The following TRIP4 variants were observed in gnomAD, a reference collection of about 807,000 sequenced individuals.
TRIP4 encodes activating signal cointegrator 1.
In TRIP4, 54 loss-of-function variants were observed where a neutral mutation model predicts 81.8. That is an observed-to-expected ratio of 0.66 (90% confidence interval 0.53 to 0.83). TRIP4 has a LOEUF of 0.83. TRIP4 is among the 40% of genes least tolerant of loss of function. The pLI, the probability that TRIP4 is intolerant of heterozygous loss-of-function variation, is 0.00. For missense variants in TRIP4, 662 were observed against 683.6 expected, an observed-to-expected ratio of 0.97 and a Z score of 0.35; for synonymous variants, 270 against 242.8, an observed-to-expected ratio of 1.11 and a Z score of -1.04.
At chr15:64,402,083 G>T (rs1312581218) in intron 5 of TRIP4, among the ~76,000 whole-genome samples, 2 of 152,068 alleles carry the variant, frequency 1.3e-5, no homozygotes, top group Non-Finnish European at 2.9e-5. Context: ...TCTTAGTTTT[G>T]ATAATTGTAC....
intron 11 of TRIP4, among the ~76,000 whole-genome samples, chr15:64,433,626 TATGTA>T (rs1892325203): frequency 6.6e-6 from 1 of 152,062 alleles, no homozygotes; most frequent in African/African-American, 2.4e-5. Context: ...AAAAATAACT[TATGTA>T]ATGTCAGTTA....
Position 64,450,725 on chromosome 15 carries a change from T to C in TRIP4, c.1679-4272T>C, listed in dbSNP as rs1234367215. On this transcript the variant is annotated intron_variant, in intron 12 of 12. Transcript: ENST00000261884. ...GGAATATCCTGGAAATCCTTGTTCCTCTTGTATCTTGTTTCTCCTATTAGC... is the reference window on the plus strand; with the variant it reads ...GGAATATCCTGGAAATCCTTGTTCCCCTTGTATCTTGTTTCTCCTATTAGC... The C allele has an allele frequency of 1.1e-5, 5 of 456,064 alleles. No individual in the cohort carries two copies. The East Asian group carries it at 3.5e-4, about 32-fold the overall frequency. 28.3% of individuals were successfully genotyped at this position (456,064 alleles called of 1,614,324 possible).
At chr15:64,429,086 G>A (rs1444342848) in intron 11 of TRIP4, among the ~76,000 whole-genome samples, 9 of 151,816 alleles carry the variant, frequency 5.9e-5, no homozygotes, top group South Asian at 2.1e-4. Flanking sequence ...AGGCCGAGGC[G>A]GGTGGATCAC....
intron 7 of TRIP4, among the ~76,000 whole-genome samples, chr15:64,411,539 A>G (rs1466003387): frequency 2.6e-5 from 4 of 152,146 alleles, no homozygotes; most frequent in African/African-American, 7.2e-5. Context: ...TGGGAGGCCA[A>G]GGTGGGAGGA....
rs35102130 is a variant in TRIP4 at position 64,435,525 on chromosome 15, C to CA, written c.1576-9464dup. 8.2e-3 allele frequency among the ~76,000 whole-genome samples: 893 copies of CA among 108,296 alleles called. 9 individuals are homozygous for CA. The highest frequency in any genetic ancestry group is 0.03 in the Middle Eastern group (6 of 202). 71.0% of individuals were successfully genotyped at this position (108,296 alleles called of 152,430 possible). Reference sequence around the variant, plus strand: ...TGGGCGACAGAGTGAGACTCTGTCTCAAAAAAAAAAAAAAAAATATTATTA... The same window carrying CA: ...TGGGCGACAGAGTGAGACTCTGTCTCAAAAAAAAAAAAAAAAAATATTATTA... On this transcript the variant is annotated intron_variant, in intron 11 of 12. Transcript: ENST00000261884.
Position 64,395,493 on chromosome 15 carries a change from A to G in TRIP4, c.367A>G (p.Thr123Ala), listed in dbSNP as rs199707100. 6.8e-6 allele frequency: 11 copies of G among 1,613,852 alleles called. No individual in the cohort carries two copies. Among genetic ancestry groups the G allele is most frequent in the Non-Finnish European group, 9.3e-6 (11 of 1,179,946 alleles). Residue 123 changes from threonine to alanine, a missense_variant, in exon 3 of 13, where the codon ACG (threonine) becomes GCG (alanine). Transcript: ENST00000261884. ...QEVPAFTEPD[T>A]TAEVKTPFDL... is the part of the protein sequence containing the mutation. ...AGTTCCTGCATTTACTGAACCTGAC[A>G]CGACTGCAGAGGTTAAAACACCTTT...
intron 6 of TRIP4, among the ~76,000 whole-genome samples, chr15:64,407,522 C>T (rs1286825514): frequency 6.6e-6 from 1 of 151,902 alleles, no homozygotes; most frequent in Non-Finnish European, 1.5e-5. Context: ...AAAAAATTAG[C>T]CAAGCGTGGT....
At chr15:64,419,790 C>T (rs1003489586) in intron 9 of TRIP4, among the ~76,000 whole-genome samples, 7 of 151,930 alleles carry the variant, frequency 4.6e-5, no homozygotes, top group South Asian at 2.1e-4. Context: ...ACCAAGAAAC[C>T]GCTGTTATTA....
At chr15:64,432,611 A>AAAAT (rs1185954298) in intron 11 of TRIP4, among the ~76,000 whole-genome samples, 16 of 151,378 alleles carry the variant, frequency 1.1e-4, no homozygotes, top group Admixed American at 9.9e-4. Context: ...CTCTGTCTGA[A>AAAAT]AAATAAATAA....
rs1000268737 is a variant in TRIP4, at chr15:64,406,319, T to C, written c.698-11T>C. Reference sequence around the variant, plus strand: ...AGGCTGACACCATTTGACTTCCTTATTGAATTTCAGGAGTGGAGAATTCTG... The same window carrying C: ...AGGCTGACACCATTTGACTTCCTTACTGAATTTCAGGAGTGGAGAATTCTG... On this transcript the variant is annotated splice_polypyrimidine_tract_variant and intron_variant, in intron 5 of 12. Transcript: ENST00000261884. The C allele has an allele frequency of 2.5e-6, 4 of 1,612,424 alleles. No homozygotes were observed. The highest frequency in any genetic ancestry group is 3.4e-6 in the Non-Finnish European group (4 of 1,179,496).
At chr15:64,400,878 T>G in intron 5 of TRIP4, 57 bp downstream of exon 5, 1 of 1,409,896 alleles carries the variant, frequency 7.1e-7, no homozygotes, top group Non-Finnish European at 1.0e-6. Context: ...GTTGCGTCTG[T>G]GGTTGTTTCT....
chr15:64,416,358 G>A (rs537566468), intron 8 of TRIP4, among the ~76,000 whole-genome samples: 1 of 152,266 alleles, frequency 6.6e-6, no homozygotes, highest in South Asian at 2.1e-4. Context: ...TAATTAGAGG[G>A]AACAGCTGTA....
rs1241760808 is a variant in TRIP4, at chr15:64,387,873, G to C, written c.10G>C (p.Ala4Pro). The change falls in exon 1 of 13, where the codon GCT becomes CCT. Residue 4 changes from alanine (A) to proline (P), a missense_variant. Ala to Pro is a conservative substitution (Grantham distance 27). Transcript: ENST00000261884. ...GTTCCGGCTGGGGAAGATGGCGGTGGCTGGGGCGGTGTCCGGGGAGCCGCT... is the reference window on the plus strand; with the variant it reads ...GTTCCGGCTGGGGAAGATGGCGGTGCCTGGGGCGGTGTCCGGGGAGCCGCT... MAV[A>P]GAVSGEPLVH... The C allele has an allele frequency of 1.3e-6, 2 of 1,546,630 alleles. No homozygotes were observed. Among genetic ancestry groups the C allele is most frequent in the Admixed American group, 2.0e-5 (1 of 50,850 alleles).
chr15:64,390,355 G>C (rs1202960152), intron 1 of TRIP4, among the ~76,000 whole-genome samples: 1 of 150,816 alleles, frequency 6.6e-6, no homozygotes, highest in African/African-American at 2.4e-5. Context: ...TCAGTTACTC[G>C]GAAGGCTGAG....
chr15:64,397,563 G>A (rs1900329575), intron 3 of TRIP4, 43 bp from the exon 4 acceptor site: 1 of 1,588,674 alleles, frequency 6.3e-7, no homozygotes, highest in East Asian at 2.3e-5. Flanking sequence ...TTTTTACATT[G>A]TCATTAATTA....
At chr15:64,448,881 A>G (rs1892689827) in intron 12 of TRIP4, among the ~76,000 whole-genome samples, 1 of 152,108 alleles carries the variant, frequency 6.6e-6, no homozygotes, top group Admixed American at 6.6e-5. Flanking sequence ...CCCTAGATAT[A>G]TTATTACATG....
intron 4 of TRIP4, among the ~76,000 whole-genome samples, chr15:64,399,447 G>A (rs1233680994): frequency 2.0e-5 from 3 of 152,096 alleles, no homozygotes; most frequent in African/African-American, 7.2e-5. Flanking sequence ...AGGAAGTATT[G>A]TACAGTGTTT....
chr15:64,389,544 A>C (rs1900055748), intron 1 of TRIP4, among the ~76,000 whole-genome samples: 1 of 152,080 alleles, frequency 6.6e-6, no homozygotes, highest in South Asian at 2.1e-4. Flanking sequence ...AAACAGCGAA[A>C]TCTTATGGTT....
intron 11 of TRIP4, chr15:64,444,655 T>TC (rs1383274970): frequency 6.4e-6 from 1 of 155,692 alleles, no homozygotes; most frequent in Admixed American, 6.5e-5. Flanking sequence ...TACCTGATGT[T>TC]CCCCAAGGAG....
Sources: allele counts gnomAD v4.1 joint callset (sites outside exome capture counted in the v4.1 genomes callset), GRCh38; gene constraint gnomAD v4.1.1; transcripts MANE v1.5; gene names NCBI Gene and HGNC (gene_info 2026-07-23, HGNC 2026-07-21).